NFIA: variants seen among roughly 807,000 people sequenced by gnomAD.
NFIA encodes the protein nuclear factor 1 A-type.
Under a neutral mutation model 62.8 loss-of-function variants are expected in NFIA, and 8 were observed. That is an observed-to-expected ratio of 0.13 (90% CI 0.07 to 0.23). The LOEUF (loss-of-function observed/expected upper bound fraction) is 0.23, where lower values mean the gene tolerates loss of function less well. NFIA is among the 10% of genes least tolerant of loss of function. The pLI, the probability that NFIA is intolerant of heterozygous loss-of-function variation, is 1.00. For synonymous variants in NFIA, 235 were observed against 238.1 expected (o/e 0.99, Z 0.12); for missense variants, 410 against 642.1 (o/e 0.64, Z 3.91).
At chr1:61,196,898 AGTGTGTGTGT>A (rs3030264) in intron 2 of NFIA, among the ~76,000 whole-genome samples, 8,177 of 148,512 alleles carry the variant, frequency 0.055, 370 homozygotes, top group African/African-American at 0.12. Flanking sequence ...ACCTTAAAGG[AGTGTGTGTGT>A]GTGTGTGTGT....
intron 3 of NFIA, among the ~76,000 whole-genome samples, chr1:61,317,605 A>G (rs960765726): frequency 2.0e-5 from 3 of 152,068 alleles, no homozygotes; most frequent in Admixed American, 1.3e-4. Context: ...ATTTGTTACT[A>G]GCTTTAGAAA....
intron 3 of NFIA, among the ~76,000 whole-genome samples, chr1:61,304,870 A>G (rs940548627): frequency 1.6e-4 from 25 of 152,178 alleles, no homozygotes; most frequent in African/African-American, 5.1e-4. Context: ...TAACTGTGCA[A>G]CCTTGCTCAA....
chr1:61,401,777 T>TCACATTCTG (rs112942358), intron 7 of NFIA, among the ~76,000 whole-genome samples: 1,596 of 152,326 alleles, frequency 0.01, 20 homozygotes, highest in African/African-American at 0.037. Context: ...TTGGGAAATA[T>TCACATTCTG]CACATTCTGT....
intron 2 of NFIA, among the ~76,000 whole-genome samples, chr1:61,274,945 C>T (rs748903191): frequency 3.3e-5 from 5 of 151,952 alleles, no homozygotes; most frequent in Non-Finnish European, 5.9e-5. Context: ...ATTGAACGGC[C>T]GAGGGTAGAA....
intron 2 of NFIA, among the ~76,000 whole-genome samples, chr1:61,265,223 A>C (rs1221613597): frequency 6.6e-6 from 1 of 152,180 alleles, no homozygotes; most frequent in Non-Finnish European, 1.5e-5. Context: ...ATGGCTTCCA[A>C]GTGTGGTTCA....
intron 3 of NFIA, among the ~76,000 whole-genome samples, chr1:61,322,925 G>A (rs1291748455): frequency 6.6e-6 from 1 of 152,138 alleles, no homozygotes; most frequent in Non-Finnish European, 1.5e-5. Flanking sequence ...AATGGAAGCA[G>A]TAAATTAAAT....
chr1:61,359,359 A>G, intron 6 of NFIA, 85 bp downstream of exon 6: 1 of 1,587,562 alleles, frequency 6.3e-7, no homozygotes, highest in Non-Finnish European at 8.6e-7. Context: ...ATAAAAGTGA[A>G]GAAAGAAAGC....
chr1:61,344,627 T>C (rs1314210217), intron 4 of NFIA, among the ~76,000 whole-genome samples: 1 of 152,238 alleles, frequency 6.6e-6, no homozygotes, highest in Non-Finnish European at 1.5e-5. Context: ...TGTCCACTGA[T>C]GTTTCTCAAG....
chr1:61,326,747 T>G (rs1295225420), intron 3 of NFIA, among the ~76,000 whole-genome samples: 1 of 152,206 alleles, frequency 6.6e-6, no homozygotes, highest in Non-Finnish European at 1.5e-5. Flanking sequence ...CAGGGAAGAC[T>G]TTTGTGAGAG....
chr1:61,188,604 C>T (rs1036627955), intron 2 of NFIA, among the ~76,000 whole-genome samples: 7 of 152,138 alleles, frequency 4.6e-5, no homozygotes, highest in Admixed American at 6.5e-5. Context: ...GCTATTGTGT[C>T]GTCATCGACA....
chr1:61,226,673 G>T (rs1230379476), intron 2 of NFIA, among the ~76,000 whole-genome samples: 1 of 152,002 alleles, frequency 6.6e-6, no homozygotes, highest in Non-Finnish European at 1.5e-5. Flanking sequence ...TTTATTTTTG[G>T]TAAAGGGATT....
At chr1:61,440,677 T>C (rs1020617976) in intron 10 of NFIA, among the ~76,000 whole-genome samples, 2 of 151,982 alleles carry the variant, frequency 1.3e-5, no homozygotes, top group African/African-American at 2.4e-5. Context: ...TTTTTTTTTC[T>C]TTTCTTTTCT....
At chr1:61,247,246 T>C (rs333166) in intron 2 of NFIA, among the ~76,000 whole-genome samples, 11,249 of 152,196 alleles carry the variant, frequency 0.074, 516 homozygotes, top group East Asian at 0.16. Context: ...CTGAATGCCA[T>C]TGATAAGGAT....
chr1:61,176,919 A>G (rs1650399465), intron 2 of NFIA, among the ~76,000 whole-genome samples: 1 of 152,068 alleles, frequency 6.6e-6, no homozygotes. Context: ...CCTGGCTAAC[A>G]CAGTGAAACC....
intron 3 of NFIA, among the ~76,000 whole-genome samples, chr1:61,289,993 G>C (rs1310128929): frequency 6.9e-6 from 1 of 145,964 alleles, no homozygotes; most frequent in Non-Finnish European, 1.5e-5. Context: ...AGGTGCCAGG[G>C]ACATCTTCTT....
At chr1:61,238,511 G>C (rs916271112) in intron 2 of NFIA, among the ~76,000 whole-genome samples, 20 of 152,096 alleles carry the variant, frequency 1.3e-4, no homozygotes, top group Non-Finnish European at 5.9e-5. Flanking sequence ...ATTTGTCTCT[G>C]AGGTTATGTT....
chr1:61,204,137 A>G (rs1652736352), intron 2 of NFIA, among the ~76,000 whole-genome samples: 1 of 152,186 alleles, frequency 6.6e-6, no homozygotes, highest in Non-Finnish European at 1.5e-5. Context: ...CTGCATCCAC[A>G]TTGCTCTCAT....
At chr1:61,092,490 T>C (rs1279841769) in intron 2 of NFIA, among the ~76,000 whole-genome samples, 1 of 152,164 alleles carries the variant, frequency 6.6e-6, no homozygotes, top group Non-Finnish European at 1.5e-5. Flanking sequence ...ATAGCAAAGA[T>C]CCTTTCAATC....
At chr1:61,405,770 T>A (rs1264949364) in intron 8 of NFIA, among the ~76,000 whole-genome samples, 1 of 152,204 alleles carries the variant, frequency 6.6e-6, no homozygotes, top group African/African-American at 2.4e-5. Context: ...TTTGAAAAAA[T>A]TGAAAATAAA....
Sources: gnomAD v4.1 joint callset for allele counts (sites outside exome capture counted in the v4.1 genomes callset) on GRCh38, gnomAD v4.1.1 for gene constraint, MANE v1.5 for transcripts, NCBI Gene and HGNC (gene_info 2026-07-23, HGNC 2026-07-21) for gene names.